MCU: variants seen among roughly 807,000 people sequenced by gnomAD.
The protein encoded by MCU is calcium uniporter protein, mitochondrial.
In MCU, 12 loss-of-function variants were observed where a neutral mutation model predicts 45.2. The observed-to-expected ratio is 0.27, with a 90% CI of 0.17 to 0.43. MCU has a LOEUF of 0.43. Among genes scored for constraint, MCU ranks in the 20% least tolerant of loss-of-function variants. The pLI, the probability that MCU is intolerant of heterozygous loss-of-function variation, is 1.00. For missense variants in MCU, 324 were observed against 436.7 expected, an observed-to-expected ratio of 0.74 and a Z score of 2.30; for synonymous variants, 160 against 165.1, an observed-to-expected ratio of 0.97 and a Z score of 0.24.
intron 1 of MCU, among the ~76,000 whole-genome samples, chr10:72,800,460 T>C (rs1389005781): frequency 6.6e-6 from 1 of 152,222 alleles, no homozygotes; most frequent in East Asian, 1.9e-4. Flanking sequence ...GAAACACTTT[T>C]GGTCCCAAGG....
At chr10:72,819,727 CTTTTTT>C (rs71021538) in intron 1 of MCU, among the ~76,000 whole-genome samples, 1 of 102,600 alleles carries the variant, frequency 9.7e-6, no homozygotes, top group African/African-American at 3.8e-5. Context: ...TTTTTCCAGT[CTTTTTT>C]TTTTTTTTTT....
chr10:72,856,285 G>T (rs1272987361), intron 2 of MCU, among the ~76,000 whole-genome samples: 1 of 152,166 alleles, frequency 6.6e-6, no homozygotes, highest in East Asian at 1.9e-4. Context: ...GGGAATCATA[G>T]AAATGTTCTT....
chr10:72,844,557 G>A (rs1845092658), intron 2 of MCU, among the ~76,000 whole-genome samples: 1 of 152,022 alleles, frequency 6.6e-6, no homozygotes, highest in African/African-American at 2.4e-5. Flanking sequence ...TGACAAGAAT[G>A]CGACTCTGTC....
rs150658939 is a variant in MCU at position 72,769,513 on chromosome 10, G to T, written c.151-64846G>T. Reference sequence around the variant, plus strand: ...GCTGAGGCCAGTCTTGAACTCCTGGGCTCCGGTGATACTCTTGCCTCAGTC... The same window carrying T: ...GCTGAGGCCAGTCTTGAACTCCTGGTCTCCGGTGATACTCTTGCCTCAGTC... On this transcript the variant is annotated intron_variant, in intron 1 of 7. Transcript: ENST00000373053. 3.0e-3 allele frequency among the ~76,000 whole-genome samples: 457 copies of T among 152,184 alleles called. 4 individuals carry two copies. Among genetic ancestry groups the T allele is most frequent in the African/African-American group, 0.01 (429 of 41,514 alleles).
intron 1 of MCU, among the ~76,000 whole-genome samples, chr10:72,793,012 GGGATTAC>G (rs1459870388): frequency 6.6e-6 from 1 of 151,984 alleles, no homozygotes; most frequent in African/African-American, 2.4e-5. Context: ...CTGGGTAGCT[GGGATTAC>G]AGGCGCATGC....
At chr10:72,724,823 T>C (rs2132676414) in intron 1 of MCU, among the ~76,000 whole-genome samples, 1 of 152,342 alleles carries the variant, frequency 6.6e-6, no homozygotes, top group Admixed American at 6.5e-5. Flanking sequence ...TCTTCGTTAC[T>C]AGATTTGTTA....
intron 1 of MCU, among the ~76,000 whole-genome samples, chr10:72,783,182 T>C (rs376306960): frequency 6.0e-4 from 91 of 152,324 alleles, no homozygotes; most frequent in African/African-American, 2.0e-3. Context: ...TGTCAATGTG[T>C]AGACTTTTCA....
At chr10:72,885,704 G>T (rs1248883813) in intron 7 of MCU, 41 bp from the exon 8 acceptor site, 1 of 1,317,414 alleles carries the variant, frequency 7.6e-7, no homozygotes, top group Non-Finnish European at 1.1e-6. Flanking sequence ...ATCATTGAAA[G>T]CTTCACTAGC....
At chr10:72,765,016 C>T (rs1042413511) in intron 1 of MCU, among the ~76,000 whole-genome samples, 1 of 151,028 alleles carries the variant, frequency 6.6e-6, no homozygotes, top group East Asian at 1.9e-4. Flanking sequence ...CTTTGGGAGG[C>T]CGAGGTGGGC....
intron 1 of MCU, among the ~76,000 whole-genome samples, chr10:72,824,472 G>C (rs958185334): frequency 3.9e-4 from 59 of 151,460 alleles, no homozygotes; most frequent in African/African-American, 1.4e-3. Context: ...GCCTCCCAAA[G>C]TGCTGGGATT....
intron 6 of MCU, among the ~76,000 whole-genome samples, chr10:72,877,810 A>T (rs1845639032): frequency 6.6e-6 from 1 of 152,182 alleles, no homozygotes; most frequent in Admixed American, 6.5e-5. Flanking sequence ...GAGGAACCAA[A>T]GCCTTAGAGA....
intron 1 of MCU, among the ~76,000 whole-genome samples, chr10:72,774,652 C>G (rs1159298903): frequency 2.0e-5 from 3 of 151,952 alleles, no homozygotes; most frequent in Admixed American, 2.0e-4. Flanking sequence ...CTTCAAGAAA[C>G]CCACCTCACT....
chr10:72,835,165 C>CT (rs755754154), intron 2 of MCU, among the ~76,000 whole-genome samples: 5 of 152,198 alleles, frequency 3.3e-5, no homozygotes, highest in African/African-American at 4.8e-5. Context: ...CTGCAATACT[C>CT]TTCTTTGATG....
At chr10:72,836,630 A>G (rs1279687381) in intron 2 of MCU, among the ~76,000 whole-genome samples, 4 of 152,176 alleles carry the variant, frequency 2.6e-5, no homozygotes, top group African/African-American at 9.7e-5. Flanking sequence ...TTTGAAGGCA[A>G]TATTATTTTT....
intron 1 of MCU, among the ~76,000 whole-genome samples, chr10:72,756,053 G>A (rs1432216019): frequency 6.6e-6 from 1 of 152,064 alleles, no homozygotes; most frequent in Non-Finnish European, 1.5e-5. Flanking sequence ...GTCTCGCTTT[G>A]TTGCCCAAGT....
chr10:72,692,376 G>A, intron 1 of MCU, 75 bp downstream of exon 1: 1 of 1,105,644 alleles, frequency 9.0e-7, no homozygotes, highest in Non-Finnish European at 1.1e-6. Flanking sequence ...CGGGCAGGCC[G>A]CCGGGGCAGC....
intron 1 of MCU, among the ~76,000 whole-genome samples, chr10:72,733,589 G>A (rs1276517255): frequency 1.1e-4 from 16 of 151,960 alleles, no homozygotes; most frequent in African/African-American, 3.9e-4. Context: ...AGGTTGTTGT[G>A]AATATAAAAT....
chr10:72,694,663 G>A (rs1842664612), intron 1 of MCU, among the ~76,000 whole-genome samples: 1 of 152,208 alleles, frequency 6.6e-6, no homozygotes, highest in Admixed American at 6.5e-5. Flanking sequence ...GACATCCTGT[G>A]TATGTGCAGC....
intron 1 of MCU, among the ~76,000 whole-genome samples, chr10:72,717,290 C>T (rs910091143): frequency 2.8e-4 from 42 of 151,130 alleles, no homozygotes; most frequent in Non-Finnish European, 5.3e-4. Context: ...GATACAGTCT[C>T]GCTCTGTCGC....
Sources: allele counts gnomAD v4.1 joint callset (sites outside exome capture counted in the v4.1 genomes callset), GRCh38; gene constraint gnomAD v4.1.1; transcripts MANE v1.5; gene names NCBI Gene and HGNC (gene_info 2026-07-23, HGNC 2026-07-21).